PKHD1: variants seen among roughly 807,000 people sequenced by gnomAD.
PKHD1 encodes PKHD1 ciliary IPT domain containing fibrocystin/polyductin.
A neutral mutation model predicts 412.0 loss-of-function variants in PKHD1; 291 were observed. That is an observed-to-expected ratio of 0.71 (90% CI 0.64 to 0.78). The LOEUF (loss-of-function observed/expected upper bound fraction) is 0.78, where lower values mean the gene tolerates loss of function less well. PKHD1 is among the 30% of genes least tolerant of loss of function. PKHD1 has a pLI of 0.00. For synonymous variants in PKHD1, 1,777 were observed against 1,821.5 expected (o/e 0.98, Z 0.62); for missense variants, 4,825 against 4,950.7 (o/e 0.97, Z 0.76).
At chr6:51,695,142 T>A (rs1778644574) in intron 60 of PKHD1, among the ~76,000 whole-genome samples, 1 of 152,200 alleles carries the variant, frequency 6.6e-6, no homozygotes, top group Non-Finnish European at 1.5e-5. Flanking sequence ...TTTCTTTAAA[T>A]CAGCAGGATT....
chr6:51,893,367 T>G (rs2127578280), intron 43 of PKHD1, among the ~76,000 whole-genome samples: 1 of 152,378 alleles, frequency 6.6e-6, no homozygotes, highest in East Asian at 1.9e-4. Context: ...TTAGCATTTA[T>G]GGCACATCTG....
At chr6:51,953,831 GAT>G (rs1291700901) in intron 36 of PKHD1, among the ~76,000 whole-genome samples, 3 of 152,064 alleles carry the variant, frequency 2.0e-5, no homozygotes, top group Non-Finnish European at 4.4e-5. Flanking sequence ...GAGAAAATGA[GAT>G]CATGTTCCAA....
intron 36 of PKHD1, among the ~76,000 whole-genome samples, chr6:51,946,573 A>G (rs745935963): frequency 2.6e-5 from 4 of 152,220 alleles, no homozygotes; most frequent in Non-Finnish European, 5.9e-5. Context: ...TCCATACTTT[A>G]TAGAGCTTGA....
intron 33 of PKHD1, among the ~76,000 whole-genome samples, chr6:52,019,818 T>C (rs1801140694): frequency 6.6e-6 from 1 of 152,250 alleles, no homozygotes; most frequent in Non-Finnish European, 1.5e-5. Flanking sequence ...CAGGATGTTT[T>C]GGCAACTCAT....
intron 60 of PKHD1, among the ~76,000 whole-genome samples, chr6:51,742,698 CA>C (rs1312550936): frequency 1.1e-4 from 16 of 147,506 alleles, no homozygotes; most frequent in East Asian, 2.0e-4. Context: ...CAGTGAACAA[CA>C]AAAAAAAAAT....
chr6:51,672,194 G>A (rs1396046), intron 60 of PKHD1, among the ~76,000 whole-genome samples: 75,753 of 151,846 alleles, frequency 0.5, 21,659 homozygotes, highest in Non-Finnish European at 0.65. Flanking sequence ...CGGGTAAGTC[G>A]ACATAGATGT....
Position 51,748,194 on chromosome 6 carries a change from C to A in PKHD1, c.9422G>T (p.Cys3141Phe). 1.9e-6 allele frequency: 3 copies of A among 1,614,040 alleles called. No homozygotes were observed. The highest frequency in any genetic ancestry group is 1.7e-6 in the Non-Finnish European group (2 of 1,179,962). Residue 3141 changes from cysteine to phenylalanine, a missense_variant, in exon 58 of 67, where the codon TGT (cysteine) becomes TTT (phenylalanine). Cys to Phe is a radical substitution (Grantham distance 205). Coordinates refer to ENST00000371117, the MANE Select transcript of PKHD1 (RefSeq NM_138694.4). ...HLYKESGLDN[C>F]TRISGFLAFK... ...AGCCAAGAAGCCAGAGATTCTGGTA[C>A]AGTTGTCAAGTCCACTTTCCTTATA...
At chr6:51,637,327 C>A (rs1768709001) in intron 64 of PKHD1, among the ~76,000 whole-genome samples, 1 of 152,130 alleles carries the variant, frequency 6.6e-6, no homozygotes, top group African/African-American at 2.4e-5. Flanking sequence ...CGGTCAAGGA[C>A]ACTACACGTT....
At chr6:51,900,844 A>G (rs930720319) in intron 43 of PKHD1, among the ~76,000 whole-genome samples, 11 of 152,236 alleles carry the variant, frequency 7.2e-5, no homozygotes, top group African/African-American at 2.4e-4. Flanking sequence ...AACCCCATCA[A>G]AAAGTGGGTG....
chr6:51,913,615 G>C (rs762639326), intron 37 of PKHD1, among the ~76,000 whole-genome samples: 81 of 152,106 alleles, frequency 5.3e-4, no homozygotes, highest in Non-Finnish European at 8.1e-4. Flanking sequence ...TTAGCCCGCA[G>C]CAAGTTACTG....
intron 60 of PKHD1, among the ~76,000 whole-genome samples, chr6:51,728,067 C>G (rs577512409): frequency 6.6e-6 from 1 of 152,216 alleles, no homozygotes; most frequent in African/African-American, 2.4e-5. Context: ...ATTTATTTAC[C>G]TAAATGCTTG....
chr6:51,860,249 C>T (rs1466145526), intron 48 of PKHD1, among the ~76,000 whole-genome samples: 1 of 152,156 alleles, frequency 6.6e-6, no homozygotes, highest in East Asian at 1.9e-4. Context: ...GCAAAAGACC[C>T]ATCTCCCATC....
chr6:51,708,664 T>C (rs1386835674), intron 60 of PKHD1, among the ~76,000 whole-genome samples: 2 of 152,198 alleles, frequency 1.3e-5, no homozygotes, highest in Non-Finnish European at 2.9e-5. Context: ...TTTGCACAGA[T>C]TGTCCCACCA....
Position 51,673,493 on chromosome 6 carries a change from TAG to T in PKHD1, c.10157-13526_10157-13525del, listed in dbSNP as rs368093593. Among the ~76,000 whole-genome samples, 73 of 152,346 alleles carry T rather than the reference TAG, an allele frequency of 4.8e-4. 1 individual carries two copies. Among genetic ancestry groups the T allele is most frequent in the African/African-American group, 1.7e-3 (70 of 41,586 alleles). On this transcript the variant is annotated intron_variant, in intron 60 of 66. Coordinates refer to ENST00000371117, the MANE Select transcript of PKHD1 (RefSeq NM_138694.4). ...ACTTGCTATAGCAAGTTCAGATAAATAGCAATTGCCGGTTCTTTGCATAGTCT... is the reference window on the plus strand; with the variant it reads ...ACTTGCTATAGCAAGTTCAGATAAATCAATTGCCGGTTCTTTGCATAGTCT...
At chr6:52,052,933 GC>G in intron 21 of PKHD1, 142 bp downstream of exon 21, 1 of 724,498 alleles carries the variant, frequency 1.4e-6, no homozygotes. Context: ...CATAATCCCA[GC>G]CCCATCTGTT....
intron 23 of PKHD1, among the ~76,000 whole-genome samples, chr6:52,047,380 A>G (rs776816298): frequency 6.6e-6 from 1 of 152,128 alleles, no homozygotes; most frequent in Non-Finnish European, 1.5e-5. Flanking sequence ...GTGCAGGCCT[A>G]GGGACTTTCT....
At chr6:51,949,124 A>G (rs1424178542) in intron 36 of PKHD1, among the ~76,000 whole-genome samples, 1 of 152,224 alleles carries the variant, frequency 6.6e-6, no homozygotes, top group African/African-American at 2.4e-5. Context: ...ACCAAGCTAG[A>G]TAATTCATTT....
chr6:52,033,908 C>T (rs572201902), intron 28 of PKHD1, among the ~76,000 whole-genome samples: 3 of 152,084 alleles, frequency 2.0e-5, no homozygotes, highest in African/African-American at 7.2e-5. Context: ...GCGGGTGGAT[C>T]ACCTGAGATC....
intron 26 of PKHD1, 139 bp downstream of exon 26, chr6:52,043,486 A>C: frequency 2.8e-6 from 2 of 715,590 alleles, no homozygotes; most frequent in Non-Finnish European, 2.5e-6. Context: ...CAAAAAATAC[A>C]CTTTCTGCTA....
Sources: gnomAD v4.1 joint callset for allele counts (sites outside exome capture counted in the v4.1 genomes callset) on GRCh38, gnomAD v4.1.1 for gene constraint, MANE v1.5 for transcripts, NCBI Gene and HGNC (gene_info 2026-07-23, HGNC 2026-07-21) for gene names.